DNAJC12: variants seen among roughly 807,000 people sequenced by gnomAD.
DNAJC12 encodes DnaJ heat shock protein family (Hsp40) member C12, also known as dnaJ homolog subfamily C member 12.
In DNAJC12, 25 loss-of-function variants were observed where a neutral mutation model predicts 28.5. That is an observed-to-expected ratio of 0.88 (90% CI 0.64 to 1.22). The LOEUF is 1.22. DNAJC12 is among the 50% of genes most tolerant of loss of function. The pLI, the probability that DNAJC12 is intolerant of heterozygous loss-of-function variation, is 0.00. For synonymous variants in DNAJC12, 77 were observed against 80.6 expected (o/e 0.95, Z 0.24); for missense variants, 222 against 231.7 (o/e 0.96, Z 0.27).
intron 2 of DNAJC12, among the ~76,000 whole-genome samples, chr10:67,813,589 A>C (rs1021413700): frequency 1.0e-4 from 15 of 148,450 alleles, no homozygotes; most frequent in African/African-American, 3.7e-4. Context: ...CTCTACTAAA[A>C]ATACAAAAAA....
At chr10:67,803,159 C>CA (rs879711566) in intron 4 of DNAJC12, among the ~76,000 whole-genome samples, 57 of 146,894 alleles carry the variant, frequency 3.9e-4, no homozygotes, top group East Asian at 2.2e-3. Flanking sequence ...ATTTACTCCT[C>CA]AAAAAAAAAA....
intron 1 of DNAJC12, among the ~76,000 whole-genome samples, chr10:67,830,827 A>T (rs1842086256): frequency 6.6e-6 from 1 of 152,146 alleles, no homozygotes; most frequent in Non-Finnish European, 1.5e-5. Context: ...CACAGCTAAT[A>T]AGTAGCACAT....
intron 2 of DNAJC12, among the ~76,000 whole-genome samples, chr10:67,817,045 A>G (rs1841923377): frequency 6.6e-6 from 1 of 151,094 alleles, no homozygotes; most frequent in African/African-American, 2.4e-5. Flanking sequence ...CCTTAGATTT[A>G]CTTTTTTTTT....
At chr10:67,821,597 T>C (rs1172324111) in intron 2 of DNAJC12, among the ~76,000 whole-genome samples, 1 of 152,232 alleles carries the variant, frequency 6.6e-6, no homozygotes, top group Non-Finnish European at 1.5e-5. Flanking sequence ...TCAATTGCAC[T>C]GGTAAAGTTT....
intron 1 of DNAJC12, among the ~76,000 whole-genome samples, chr10:67,826,788 AT>A (rs1474770132): frequency 8.3e-6 from 1 of 120,638 alleles, no homozygotes; most frequent in African/African-American, 3.1e-5. Context: ...AATATATATC[AT>A]TAGATATCAG....
chr10:67,817,900 AAAG>A (rs1299074676), intron 2 of DNAJC12, among the ~76,000 whole-genome samples: 4 of 149,952 alleles, frequency 2.7e-5, no homozygotes, highest in African/African-American at 9.8e-5. Flanking sequence ...AAAAATAAAA[AAAG>A]AGATTTTGAA....
rs1413390726 is a variant in DNAJC12, at chr10:67,797,326, CTT to C, written c.503-118_503-117del. ...CAGCAGGTACAATGTAAGGGTAAGA[CTT>C]TGGTATGAATTATTAACATCTTAGA... On this transcript the variant is annotated intron_variant, in intron 4 of 4. Coordinates refer to ENST00000225171, the MANE Select transcript of DNAJC12 (RefSeq NM_021800.3). 5 of 733,018 alleles carry C rather than the reference CTT, an allele frequency of 6.8e-6. No individual in the cohort carries two copies. In the African/African-American group the frequency reaches 7.1e-5, roughly 10 times the overall value. The allele number at this position is 733,018 out of a possible 1,614,324, so 45.4% of individuals were successfully genotyped here.
Position 67,838,147 on chromosome 10 carries a change from C to T in DNAJC12, c.-136G>A. 3 of 586,988 alleles carry T rather than the reference C, an allele frequency of 5.1e-6. No homozygotes were observed. The South Asian group carries it at 6.6e-5, about 13-fold the overall frequency. 36.4% of individuals were successfully genotyped at this position (586,988 alleles called of 1,614,324 possible). On this transcript the variant is annotated 5_prime_UTR_variant, in exon 1 of 5. The change creates a new upstream start codon in the 5' untranslated region. Coordinates refer to ENST00000225171, the MANE Select transcript of DNAJC12 (RefSeq NM_021800.3). ...CAAAAACTAGCTTTAAGACTGGCCA[C>T]AGTCAATACACCAGATGTCATCCTA...
intron 1 of DNAJC12, among the ~76,000 whole-genome samples, chr10:67,828,656 TTCTC>T (rs142433904): frequency 2.7e-5 from 4 of 145,838 alleles, no homozygotes; most frequent in African/African-American, 1.0e-4. Flanking sequence ...ATATTCTATT[TTCTC>T]TCTCTCTCTC....
chr10:67,804,125 TG>T (rs1841775542), intron 4 of DNAJC12, among the ~76,000 whole-genome samples: 1 of 152,196 alleles, frequency 6.6e-6, no homozygotes. Flanking sequence ...ATCACAACCC[TG>T]AGAATCAACA....
chr10:67,819,730 G>A (rs1299245356), intron 2 of DNAJC12, among the ~76,000 whole-genome samples: 16 of 20,156 alleles, frequency 7.9e-4, no homozygotes, highest in African/African-American at 3.4e-3. Flanking sequence ...AAGGAAGGAA[G>A]GAAGGAAGGA....
chr10:67,829,422 C>T (rs1458589115), intron 1 of DNAJC12, among the ~76,000 whole-genome samples: 1 of 152,080 alleles, frequency 6.6e-6, no homozygotes, highest in Non-Finnish European at 1.5e-5. Context: ...GGGTGGATCA[C>T]GAGGTCAAGA....
chr10:67,818,287 AT>A (rs1564862559), intron 2 of DNAJC12, among the ~76,000 whole-genome samples: 5 of 152,234 alleles, frequency 3.3e-5, no homozygotes, highest in Admixed American at 3.3e-4. Flanking sequence ...AGAAAGTTGT[AT>A]TAATGAAAAC....
intron 1 of DNAJC12, among the ~76,000 whole-genome samples, chr10:67,828,184 T>C (rs1842055645): frequency 2.0e-5 from 3 of 152,110 alleles, no homozygotes. Flanking sequence ...TTACTGAGAG[T>C]GCGAAGAAAT....
At chr10:67,822,544 G>C (rs1278863069) in intron 2 of DNAJC12, among the ~76,000 whole-genome samples, 1 of 152,150 alleles carries the variant, frequency 6.6e-6, no homozygotes, top group Non-Finnish European at 1.5e-5. Context: ...GTAGAGAAGA[G>C]AGACAGGTTG....
intron 2 of DNAJC12, among the ~76,000 whole-genome samples, chr10:67,819,507 C>T (rs1481834423): frequency 6.6e-6 from 1 of 150,706 alleles, no homozygotes. Context: ...GGTGTGATGG[C>T]GCACGCCTGT....
rs1460655127 is a variant in DNAJC12 at position 67,797,042 on chromosome 10, A to G, written c.*74T>C. On this transcript the variant is annotated 3_prime_UTR_variant, in exon 5 of 5. Coordinates refer to ENST00000225171, the MANE Select transcript of DNAJC12 (RefSeq NM_021800.3). ...ATGACATAAACATGACATTTTTAAG[A>G]CATAAACAAAGACTGCATGTTGGCA... 2 of 1,136,038 alleles carry G rather than the reference A, an allele frequency of 1.8e-6. No homozygotes were observed. The highest frequency in any genetic ancestry group is 1.3e-6 in the Non-Finnish European group (1 of 785,912). The allele number at this position is 1,136,038 out of a possible 1,614,324, so 70.4% of individuals were successfully genotyped here.
chr10:67,826,725 T>G lies in DNAJC12; in HGVS notation c.79-3333A>C, dbSNP rs1381597180. ...TATATATATCACTATATATAAGATA[T>G]CTAATGATATATATAATATATATCA... On this transcript the variant is annotated intron_variant, in intron 1 of 4. Coordinates refer to ENST00000225171, the MANE Select transcript of DNAJC12 (RefSeq NM_021800.3). 8.8e-5 allele frequency among the ~76,000 whole-genome samples: 11 copies of G among 125,096 alleles called. 1 individual carries two copies. Among genetic ancestry groups the G allele is most frequent in the Non-Finnish European group, 1.8e-4 (11 of 62,062 alleles). 82.1% of individuals were successfully genotyped at this position (125,096 alleles called of 152,430 possible).
intron 1 of DNAJC12, among the ~76,000 whole-genome samples, chr10:67,833,138 G>A (rs967692212): frequency 6.6e-6 from 1 of 152,118 alleles, no homozygotes; most frequent in Non-Finnish European, 1.5e-5. Flanking sequence ...TTGGATCCTA[G>A]AACAGAAAAA....
Sources: allele counts gnomAD v4.1 joint callset (sites outside exome capture counted in the v4.1 genomes callset), GRCh38; gene constraint gnomAD v4.1.1; transcripts MANE v1.5; gene names NCBI Gene and HGNC (gene_info 2026-07-23, HGNC 2026-07-21).